Variants in PMPCA observed in about 807,000 individuals in gnomAD.
PMPCA encodes the protein mitochondrial-processing peptidase subunit alpha.
PMPCA carries 47 observed loss-of-function variants against 59.3 expected under a neutral mutation model. That is an observed-to-expected ratio of 0.79 (90% CI 0.63 to 1.01). The LOEUF is 1.01. Among genes scored for constraint, PMPCA ranks in the 50% least tolerant of loss-of-function variants. The probability of loss-of-function intolerance (pLI) is 0.00; values close to 1 mark genes in which losing one functional copy is unlikely to be tolerated. For synonymous variants in PMPCA, 338 were observed against 290.3 expected, an observed-to-expected ratio of 1.16 and a Z score of -1.67; for missense variants, 726 against 704.5, an observed-to-expected ratio of 1.03 and a Z score of -0.34.
Position 136,421,859 on chromosome 9 carries a change from C to T in PMPCA, c.1291C>T (p.Leu431=). Reference sequence around the variant, plus strand: ...GGAGCTGGAACGAGCCAAGACGCAGCTGACATCAATGCTCATGATGAACCT... The same window carrying T: ...GGAGCTGGAACGAGCCAAGACGCAGTTGACATCAATGCTCATGATGAACCT... ...TVELERAKTQ[L]TSMLMMNLES... The change falls in exon 12 of 13, where the codon CTG becomes TTG. Residue 431 remains leucine, a synonymous_variant. Coordinates refer to ENST00000371717, the MANE Select transcript of PMPCA (RefSeq NM_015160.3). The T allele has an allele frequency of 1.2e-6, 2 of 1,601,558 alleles. No homozygotes were observed. The highest frequency in any genetic ancestry group is 8.5e-7 in the Non-Finnish European group (1 of 1,171,746).
intron 3 of PMPCA, 107 bp downstream of exon 3, chr9:136,412,676 T>C: frequency 1.3e-6 from 1 of 787,428 alleles, no homozygotes; most frequent in Non-Finnish European, 2.2e-6. Flanking sequence ...GCTAAGTTAA[T>C]GTTAATAAAA....
Position 136,423,202 on chromosome 9 carries a change from A to C in PMPCA, c.1516A>C (p.Ile506Leu). The C allele has an allele frequency of 6.8e-6, 11 of 1,613,754 alleles. No homozygotes were observed. Among genetic ancestry groups the C allele is most frequent in the Non-Finnish European group, 9.3e-6 (11 of 1,180,020 alleles). The change falls in exon 13 of 13, where the codon ATC becomes CTC. Residue 506 changes from isoleucine to leucine, a missense_variant. Ile to Leu is a conservative substitution (Grantham distance 5). Coordinates refer to ENST00000371717, the MANE Select transcript of PMPCA (RefSeq NM_015160.3). Reference sequence around the variant, plus strand: ...GACTGACCTGCCCACGTATGAGCACATCCAGACCGCCCTGTCGAGTAAGGA... The same window carrying C: ...GACTGACCTGCCCACGTATGAGCACCTCCAGACCGCCCTGTCGAGTAAGGA... ...DLTDLPTYEHIQTALSSKDGR... is the reference protein window; with the variant it reads ...DLTDLPTYEHLQTALSSKDGR...
intron 12 of PMPCA, chr9:136,422,229 G>A: frequency 6.9e-7 from 1 of 1,442,844 alleles, no homozygotes; most frequent in South Asian, 1.3e-5. Context: ...GCACCCCTGG[G>A]AGGGGCTGTC....
At chr9:136,418,975 C>T (rs903269681) in intron 10 of PMPCA, 57 bp downstream of exon 10, 1 of 1,601,480 alleles carries the variant, frequency 6.2e-7, no homozygotes. Context: ...ACCTGGGCGT[C>T]CCTGCCTAGA....
At chr9:136,414,125 G>A (rs1835208053) in intron 4 of PMPCA, among the ~76,000 whole-genome samples, 1 of 152,180 alleles carries the variant, frequency 6.6e-6, no homozygotes, top group Non-Finnish European at 1.5e-5. Flanking sequence ...CTCACCAGTG[G>A]GTTCGTTCAG....
In PMPCA at chr9:136,414,539, G is replaced by C. The variant is rs775568077; in HGVS notation, c.438-14G>C. 1 of 1,575,396 alleles carries C rather than the reference G, an allele frequency of 6.3e-7. No individual in the cohort carries two copies. The highest frequency in any genetic ancestry group is 8.7e-7 in the Non-Finnish European group (1 of 1,145,054). On this transcript the variant is annotated splice_polypyrimidine_tract_variant and intron_variant, in intron 4 of 12. Transcript: ENST00000371717. Reference sequence around the variant, plus strand: ...GTTCAGGGCCTGGCATTATGGGCTTGTGTTTTCTTCCAGAGACACCACCAT... The same window carrying C: ...GTTCAGGGCCTGGCATTATGGGCTTCTGTTTTCTTCCAGAGACACCACCAT...
At chr9:136,420,173 T>G (rs11145971) in intron 11 of PMPCA, 26,697 of 140,412 alleles carry the variant, frequency 0.19, 3,058 homozygotes, top group Non-Finnish European at 0.25. Flanking sequence ...TTCTGTTTTT[T>G]TTTTTTTTTT....
At position 136,416,968 on chromosome 9, in the gene PMPCA, C is replaced by G; in HGVS notation, c.651C>G (p.Asn217Lys). The G allele has an allele frequency of 1.2e-6, 2 of 1,611,322 alleles. No individual in the cohort carries two copies. The highest frequency in any genetic ancestry group is 2.7e-5 in the African/African-American group (2 of 74,966). ...EMIHEAAYRE[N>K]TVGLHRFCPT... is the part of the protein sequence containing the mutation. ...CCCATTAGGCGGCTTACAGGGAGAACACAGTTGGCCTCCACCGTTTCTGCC... is the reference window on the plus strand; with the variant it reads ...CCCATTAGGCGGCTTACAGGGAGAAGACAGTTGGCCTCCACCGTTTCTGCC... The change falls in exon 7 of 13, where the codon AAC becomes AAG. Residue 217 changes from asparagine (N) to lysine (K), a missense_variant. By Grantham distance (94) the Asn-to-Lys change is moderately conservative. Transcript: ENST00000371717.
intron 12 of PMPCA, chr9:136,422,490 G>A (rs1033854115): frequency 1.8e-5 from 19 of 1,031,990 alleles, no homozygotes; most frequent in Non-Finnish European, 2.2e-5. Flanking sequence ...ACCTGGCAAG[G>A]CTGCCTATTA....
chr9:136,417,014 A>G lies in PMPCA; in HGVS notation c.697A>G (p.Ile233Val), dbSNP rs756136045. Residue 233 changes from isoleucine (I) to valine (V), a missense_variant, in exon 7 of 13, where the codon ATC becomes GTC. By Grantham distance (29) the Ile-to-Val change is conservative (BLOSUM62 3). Transcript: ENST00000371717. ...CTGCCCCACAGAAAACGTAGCAAAG[A>G]TCAACCGAGAGGTGCTGCATTCCTA... Reference protein sequence around the residue: ...RFCPTENVAKINREVLHSYLR... With the variant: ...RFCPTENVAKVNREVLHSYLR... The G allele has an allele frequency of 2.4e-5, 38 of 1,613,224 alleles. No individual in the cohort carries two copies. The highest frequency in any genetic ancestry group is 2.7e-5 in the Non-Finnish European group (32 of 1,180,024).
Position 136,417,201 on chromosome 9 carries a change from G to C in PMPCA, c.884G>C (p.Gly295Ala), listed in dbSNP as rs3812583. ...GACAGATCTGTGGCCCAGTACACTG[G>C]GGGGATTGCCAAGGTGAAGTAGCGG... ...DIDRSVAQYT[G>A]GIAKLERDMS... is the part of the protein sequence containing the mutation. Residue 295 changes from glycine to alanine, a missense_variant, in exon 7 of 13, where the codon GGG becomes GCG. Physicochemically the swap from Gly to Ala is moderately conservative, Grantham distance 60. Coordinates refer to ENST00000371717, the MANE Select transcript of PMPCA (RefSeq NM_015160.3). 8.2e-6 allele frequency: 13 copies of C among 1,578,700 alleles called. No homozygotes were observed. In the East Asian group the frequency reaches 1.8e-4, roughly 22 times the overall value.
intron 5 of PMPCA, among the ~76,000 whole-genome samples, chr9:136,415,684 A>G (rs906068039): frequency 6.6e-6 from 1 of 152,168 alleles, no homozygotes; most frequent in East Asian, 1.9e-4. Flanking sequence ...CCAGGCTGGA[A>G]TGCAGTGGCG....
At chr9:136,415,781 C>T (rs923862019) in intron 5 of PMPCA, among the ~76,000 whole-genome samples, 3 of 152,132 alleles carry the variant, frequency 2.0e-5, no homozygotes, top group African/African-American at 4.8e-5. Context: ...TACAGGCGCC[C>T]GCCACCGCGC....
chr9:136,417,882 G>T, intron 7 of PMPCA, 135 bp from the exon 8 acceptor site: 1 of 721,794 alleles, frequency 1.4e-6, no homozygotes, highest in Admixed American at 1.9e-5. Flanking sequence ...CAAAGTGCTG[G>T]GATTTTAGGC....
chr9:136,416,418 C>T, intron 6 of PMPCA, 27 bp downstream of exon 6: 1 of 1,490,810 alleles, frequency 6.7e-7, no homozygotes, highest in Non-Finnish European at 9.4e-7. Context: ...GAGAATGCCC[C>T]CGCATCTCGA....
intron 11 of PMPCA, chr9:136,419,361 C>T (rs1226254679): frequency 3.0e-5 from 17 of 573,024 alleles, no homozygotes; most frequent in South Asian, 1.8e-4. Flanking sequence ...CCCCAGTGCT[C>T]GGTCCACTAC....
Position 136,423,162 on chromosome 9 carries a change from C to A in PMPCA, c.1476C>A (p.Ala492=). 4 of 1,613,788 alleles carry A rather than the reference C, an allele frequency of 2.5e-6. No individual in the cohort carries two copies. The highest frequency in any genetic ancestry group is 3.4e-6 in the Non-Finnish European group (4 of 1,180,030). The part of the protein sequence containing the change: ...SKMLRGKPAV[A]ALGDLTDLPT... Reference sequence around the variant, plus strand: ...TGCTCCGAGGGAAGCCGGCAGTGGCCGCCCTGGGTGACCTGACTGACCTGC... The same window carrying A: ...TGCTCCGAGGGAAGCCGGCAGTGGCAGCCCTGGGTGACCTGACTGACCTGC... The change falls in exon 13 of 13, where the codon GCC becomes GCA. Residue 492 remains alanine (A), a synonymous_variant. Coordinates refer to ENST00000371717, the MANE Select transcript of PMPCA (RefSeq NM_015160.3).
Position 136,419,373 on chromosome 9 carries a change from T to A in PMPCA, c.1263+267T>A, listed in dbSNP as rs75438571. On this transcript the variant is annotated intron_variant, in intron 11 of 12. Transcript: ENST00000371717. ...CTCCCCCAGTGCTCGGTCCACTACT[T>A]CTTTCTCTGAGCCACTGGGTGAGTC... The A allele has an allele frequency of 4.2e-4, 235 of 559,830 alleles. 1 individual carries two copies. The East Asian group carries it at 6.9e-3, about 16-fold the overall frequency. 34.7% of individuals were successfully genotyped at this position (559,830 alleles called of 1,614,324 possible).
At chr9:136,419,337 A>C (rs1161882567) in intron 11 of PMPCA, 2 of 605,370 alleles carry the variant, frequency 3.3e-6, no homozygotes, top group African/African-American at 3.7e-5. Context: ...ACAGAAAAAC[A>C]GACCACCGCC....
Sources: gnomAD v4.1 joint callset for allele counts (sites outside exome capture counted in the v4.1 genomes callset) on GRCh38, gnomAD v4.1.1 for gene constraint, MANE v1.5 for transcripts, NCBI Gene and HGNC (gene_info 2026-07-23, HGNC 2026-07-21) for gene names.